Variants in COL6A3 observed in about 807,000 individuals in gnomAD.
COL6A3 encodes collagen type VI alpha 3 chain.
Under a neutral mutation model 274.1 loss-of-function variants are expected in COL6A3, and 137 were observed. That is an observed-to-expected ratio of 0.50 (90% confidence interval 0.44 to 0.58). COL6A3 has a LOEUF of 0.58. Ranked by LOEUF, COL6A3 falls within the 20% of genes least tolerant of loss-of-function variation. The pLI is 0.00. For synonymous variants in COL6A3, 1,650 were observed against 1,650.6 expected (o/e 1.00, Z 0.01); for missense variants, 3,950 against 4,124.9 (o/e 0.96, Z 1.16).
At chr2:237,402,420 A>G (rs1440801738) in intron 1 of COL6A3, among the ~76,000 whole-genome samples, 1 of 152,190 alleles carries the variant, frequency 6.6e-6, no homozygotes, top group Non-Finnish European at 1.5e-5. Flanking sequence ...AGGACAGGAA[A>G]TATCATTTGC....
chr2:237,397,229 G>A (rs2078470397), intron 1 of COL6A3, among the ~76,000 whole-genome samples: 1 of 143,200 alleles, frequency 7.0e-6, no homozygotes, highest in East Asian at 2.1e-4. Flanking sequence ...GGGAAGGAAG[G>A]AAGAAGTGAA....
intron 36 of COL6A3, chr2:237,342,537 A>G (rs1328081314): frequency 3.9e-6 from 1 of 256,864 alleles, no homozygotes; most frequent in African/African-American, 2.2e-5. Context: ...TTTAGCAACA[A>G]TATGGGAGCT....
rs1283292032 is a variant in COL6A3 at position 237,366,053 on chromosome 2, A to C, written c.5501-18T>G. On this transcript the variant is annotated intron_variant, in intron 11 of 43. Coordinates refer to ENST00000295550, the MANE Select transcript of COL6A3 (RefSeq NM_004369.4). Reference sequence around the variant, plus strand: ...ATTACAAGCTGGAAAGGAGAAATGCAGGTGATGAGTTCTCAGCTGGGGCTG... The same window carrying C: ...ATTACAAGCTGGAAAGGAGAAATGCCGGTGATGAGTTCTCAGCTGGGGCTG... 1 of 1,608,964 alleles carries C rather than the reference A, an allele frequency of 6.2e-7. No individual in the cohort carries two copies. The highest frequency in any genetic ancestry group is 2.2e-5 in the East Asian group (1 of 44,850).
At chr2:237,412,514 T>A (rs1384619338) in intron 1 of COL6A3, among the ~76,000 whole-genome samples, 1 of 152,228 alleles carries the variant, frequency 6.6e-6, no homozygotes, top group Non-Finnish European at 1.5e-5. Flanking sequence ...AGCCCCTGGT[T>A]GCTCATTTTG....
rs748966916 is a variant in COL6A3, at chr2:237,351,159, G to C, written c.6787C>G (p.Arg2263Gly). 2 of 1,614,066 alleles carry C rather than the reference G, an allele frequency of 1.2e-6. No individual in the cohort carries two copies. The highest frequency in any genetic ancestry group is 2.7e-5 in the African/African-American group (2 of 74,920). The stretch of plus-strand genomic sequence containing the variant: ...CTTCCCAGTGGACCGGTTCTGCCTC[G>C]TTCTCCAGGAGCACCAGCGGCACCT... ...SGGAAGAPGE[R>G]GRTGPLGRKG... The change falls in exon 27 of 44, where the codon CGA becomes GGA. Residue 2263 changes from arginine to glycine, a missense_variant. By Grantham distance (125) the Arg-to-Gly change is moderately radical. Coordinates refer to ENST00000295550, the MANE Select transcript of COL6A3 (RefSeq NM_004369.4).
rs1367588379 is a variant in COL6A3, at chr2:237,371,765, T to C, written c.4252A>G (p.Lys1418Glu). ...ITTLTSEQIQ[K>E]LLASTRYPPP... The stretch of plus-strand genomic sequence containing the variant: ...GGATAGCGAGTGCTGGCTAAGAGCT[T>C]CTGGATCTGCTCTGAGGTCAGGGTC... Residue 1418 changes from lysine to glutamate, a missense_variant, in exon 9 of 44, where the codon AAG becomes GAG. Lys to Glu is a moderately conservative substitution (Grantham distance 56). This residue lies in a region of COL6A3 where 1,934 missense variants were observed against 1,984.3 expected (regional missense o/e 0.97). Coordinates refer to ENST00000295550, the MANE Select transcript of COL6A3 (RefSeq NM_004369.4). The surrounding 1 kb of genome is among the most constrained non-coding windows in gnomAD (Gnocchi z 4.3). The C allele has an allele frequency of 1.2e-5, 19 of 1,610,206 alleles. No homozygotes were observed. Among genetic ancestry groups the C allele is most frequent in the Non-Finnish European group, 1.6e-5 (19 of 1,177,038 alleles).
chr2:237,389,673 C>T (rs183701941), intron 3 of COL6A3, among the ~76,000 whole-genome samples: 4 of 152,262 alleles, frequency 2.6e-5, no homozygotes, highest in African/African-American at 7.2e-5. Context: ...TTGCCAGGTT[C>T]GGAACTGCCC....
At chr2:237,359,133 T>C in intron 19 of COL6A3, 45 bp from the exon 20 acceptor site, 1 of 1,613,848 alleles carries the variant, frequency 6.2e-7, no homozygotes, top group African/African-American at 1.3e-5. Context: ...GCAATTTCTA[T>C]CACAGACTGA....
intron 2 of COL6A3, 77 bp from the exon 3 acceptor site, chr2:237,395,281 C>G: frequency 6.5e-7 from 1 of 1,527,994 alleles, no homozygotes; most frequent in Non-Finnish European, 9.0e-7. Context: ...CCTTCCTAAA[C>G]AAATTTGGTT....
intron 32 of COL6A3, among the ~76,000 whole-genome samples, chr2:237,345,890 C>G (rs139603153): frequency 6.6e-6 from 1 of 152,180 alleles, no homozygotes; most frequent in Non-Finnish European, 1.5e-5. Flanking sequence ...TGAACCTTTC[C>G]TTCTAGGAAT....
In COL6A3 at chr2:237,381,018, G is replaced by A. The variant is rs1162449717; in HGVS notation, c.1794C>T (p.Asp598=). 1 of 1,614,212 alleles carries A rather than the reference G, an allele frequency of 6.2e-7. No homozygotes were observed. The highest frequency in any genetic ancestry group is 1.1e-5 in the South Asian group (1 of 91,086). ...CAGCTGGGATGAACACCAGGGAGGA[G>A]TCGAAAGCGATCTCTTCCAGCTCAG... ...DQAELEEIAF[D]SSLVFIPAEF... is the part of the protein sequence containing the mutation. The change falls in exon 5 of 44, where the codon GAC becomes GAT. Residue 598 remains aspartate (D), a synonymous_variant. Coordinates refer to ENST00000295550, the MANE Select transcript of COL6A3 (RefSeq NM_004369.4).
rs2078903748 is a variant in COL6A3 at position 237,413,405 on chromosome 2, C to T, written c.-31+548G>A. On this transcript the variant is annotated intron_variant, in intron 1 of 43. Transcript: ENST00000295550. This position sits in a 1 kb window ranked among gnomAD's most constrained non-coding sequence, Gnocchi z 4.0. ...CTTTACTTGGCCCTGATCCTGAGCACCAGAGTTACTCCAATCTTGTGAAAG... is the reference window on the plus strand; with the variant it reads ...CTTTACTTGGCCCTGATCCTGAGCATCAGAGTTACTCCAATCTTGTGAAAG... 6.6e-6 allele frequency among the ~76,000 whole-genome samples: 1 copy of T among 152,196 alleles called. No individual in the cohort carries two copies. The highest frequency in any genetic ancestry group is 1.5e-5 in the Non-Finnish European group (1 of 68,038).
chr2:237,324,874 A>G (rs769626058), intron 43 of COL6A3, 60 bp from the exon 44 acceptor site: 529 of 1,576,322 alleles, frequency 3.4e-4, no homozygotes, highest in Non-Finnish European at 4.2e-4. Flanking sequence ...AGAGAGGAAA[A>G]GCCACATTAC....
At chr2:237,332,107 A>G (rs1200077855) in intron 42 of COL6A3, among the ~76,000 whole-genome samples, 6 of 31,756 alleles carry the variant, frequency 1.9e-4, no homozygotes, top group African/African-American at 6.9e-4. Context: ...ATATATATAT[A>G]TATATATATA....
intron 36 of COL6A3, 120 bp from the exon 37 acceptor site, chr2:237,342,281 G>C: frequency 5.1e-6 from 4 of 779,166 alleles, no homozygotes; most frequent in African/African-American, 1.7e-5. Flanking sequence ...CAATAGGGCA[G>C]TATTGGGAAT....
At position 237,325,717 on chromosome 2, in the gene COL6A3, G is replaced by A; in HGVS notation, c.9336C>T (p.Cys3112=). 6.2e-7 allele frequency: 1 copy of A among 1,613,276 alleles called. No individual in the cohort carries two copies. Among genetic ancestry groups the A allele is most frequent in the Non-Finnish European group, 8.5e-7 (1 of 1,179,588 alleles). ...AAGTTCCTTCGTCTTTCGGCAACTT[G>A]CATATATCTTTAATAAAAACATGAG... is the stretch of plus-strand genomic sequence containing the variant. ...EPLALTETDI[C]KLPKDEGTCR... The change falls in exon 43 of 44, where the codon TGC becomes TGT. Residue 3112 remains cysteine (C), a synonymous_variant. Coordinates refer to ENST00000295550, the MANE Select transcript of COL6A3 (RefSeq NM_004369.4).
chr2:237,349,296 G>T (rs1445406794), intron 28 of COL6A3, among the ~76,000 whole-genome samples: 1 of 152,200 alleles, frequency 6.6e-6, no homozygotes, highest in East Asian at 1.9e-4. Context: ...TGTAGGAATT[G>T]CCACTTAGTT....
intron 40 of COL6A3, among the ~76,000 whole-genome samples, chr2:237,335,339 C>A (rs1700483894): frequency 6.6e-6 from 1 of 152,172 alleles, no homozygotes; most frequent in Non-Finnish European, 1.5e-5. Flanking sequence ...ATGAGCCTTC[C>A]TTTACAGCTT....
intron 1 of COL6A3, among the ~76,000 whole-genome samples, chr2:237,409,693 T>C (rs1186285715): frequency 6.6e-6 from 1 of 152,214 alleles, no homozygotes. Flanking sequence ...AATCATAGCT[T>C]GTGTGAATTT....
Sources: allele counts gnomAD v4.1 joint callset (sites outside exome capture counted in the v4.1 genomes callset), GRCh38; gene constraint gnomAD v4.1.1; regional missense constraint gnomAD v4.1.1; non-coding constraint Gnocchi (gnomAD v3.1); transcripts MANE v1.5; gene names NCBI Gene and HGNC (gene_info 2026-07-23, HGNC 2026-07-21).